Variants in CLASP1 observed in about 807,000 individuals in gnomAD.
CLASP1 encodes the protein cytoplasmic linker associated protein 1.
In CLASP1, 38 loss-of-function variants were observed where a neutral mutation model predicts 192.3. The observed-to-expected ratio is 0.20, with a 90% CI of 0.15 to 0.26. The LOEUF (loss-of-function observed/expected upper bound fraction) is 0.26. CLASP1 is among the 10% of genes least tolerant of loss of function. The probability of loss-of-function intolerance (pLI) is 1.00; values close to 1 mark genes in which losing one functional copy is unlikely to be tolerated. For synonymous variants in CLASP1, 691 were observed against 712.8 expected, an observed-to-expected ratio of 0.97 and a Z score of 0.49; for missense variants, 1,433 against 1,932.5, an observed-to-expected ratio of 0.74 and a Z score of 4.85.
intron 2 of CLASP1, among the ~76,000 whole-genome samples, chr2:121,565,384 C>T (rs1245278304): frequency 1.3e-5 from 2 of 152,218 alleles, no homozygotes; most frequent in Non-Finnish European, 2.9e-5. Context: ...TATAGTATTT[C>T]TACCAGGGCT....
chr2:121,542,988 G>A (rs575313446), intron 2 of CLASP1, among the ~76,000 whole-genome samples: 13 of 152,322 alleles, frequency 8.5e-5, no homozygotes, highest in Middle Eastern at 3.4e-3. Context: ...GTTCTACAAC[G>A]GTGATGTCCA....
At chr2:121,345,786 C>T (rs1467343275) in intron 39 of CLASP1, among the ~76,000 whole-genome samples, 1 of 152,190 alleles carries the variant, frequency 6.6e-6, no homozygotes, top group African/African-American at 2.4e-5. Context: ...TCTGGACCAC[C>T]GGTTCTCAAC....
intron 6 of CLASP1, among the ~76,000 whole-genome samples, chr2:121,518,335 G>A (rs1427664879): frequency 1.3e-5 from 2 of 151,122 alleles, no homozygotes; most frequent in African/African-American, 4.9e-5. Context: ...AGAGAAGCCA[G>A]AGAGCTGGGT....
At chr2:121,498,249 G>A (rs936961884) in intron 8 of CLASP1, among the ~76,000 whole-genome samples, 1 of 140,114 alleles carries the variant, frequency 7.1e-6, no homozygotes, top group Admixed American at 7.4e-5. Flanking sequence ...CCAGGCTGGA[G>A]CGCAGTGGTA....
At chr2:121,407,491 C>T (rs1574434999) in exon 25 of CLASP1, 2 of 1,613,954 alleles carry the variant, frequency 1.2e-6, no homozygotes, top group East Asian at 4.5e-5. Flanking sequence ...TTTGGCTCTT[C>T]AGTAAGTTCT....
At chr2:121,561,990 G>A (rs1388052997) in intron 2 of CLASP1, among the ~76,000 whole-genome samples, 1 of 152,216 alleles carries the variant, frequency 6.6e-6, no homozygotes, top group East Asian at 1.9e-4. Context: ...ACTACATTAT[G>A]TTAGGGCTTA....
intron 8 of CLASP1, chr2:121,490,431 A>G (rs768757395): frequency 2.2e-5 from 6 of 268,076 alleles, no homozygotes; most frequent in Non-Finnish European, 4.5e-5. Flanking sequence ...ACCCTATTCC[A>G]AAATAAAAGC....
intron 18 of CLASP1, 91 bp downstream of exon 18, chr2:121,448,185 G>A (rs948402047): frequency 2.5e-5 from 27 of 1,084,742 alleles, no homozygotes; most frequent in African/African-American, 9.3e-5. Flanking sequence ...AGGGCAGGCC[G>A]TTGGCCTCCT....
At chr2:121,452,565 C>T (rs1048432941) in intron 14 of CLASP1, among the ~76,000 whole-genome samples, 5 of 151,894 alleles carry the variant, frequency 3.3e-5, no homozygotes, top group Non-Finnish European at 7.4e-5. Context: ...CCAAGGCGGG[C>T]GGATCACTTG....
At chr2:121,399,892 C>A (rs1167858213) in intron 28 of CLASP1, among the ~76,000 whole-genome samples, 3 of 152,202 alleles carry the variant, frequency 2.0e-5, no homozygotes, top group Non-Finnish European at 2.9e-5. Context: ...TTGGCCTTCA[C>A]AGTATCTTAA....
intron 17 of CLASP1, among the ~76,000 whole-genome samples, chr2:121,448,621 C>G (rs1398827706): frequency 6.6e-6 from 1 of 152,220 alleles, no homozygotes; most frequent in Non-Finnish European, 1.5e-5. Flanking sequence ...CATTTCCAAA[C>G]TTGTCTCCAG....
chr2:121,350,997 C>T (rs1488996946), intron 37 of CLASP1, among the ~76,000 whole-genome samples: 1 of 152,194 alleles, frequency 6.6e-6, no homozygotes, highest in Non-Finnish European at 1.5e-5. Context: ...TCTACTTGAA[C>T]TGTCTGAGGC....
chr2:121,518,425 C>A (rs1009308573), intron 6 of CLASP1, among the ~76,000 whole-genome samples: 1 of 151,934 alleles, frequency 6.6e-6, no homozygotes, highest in African/African-American at 2.4e-5. Flanking sequence ...CAACCAGAAC[C>A]CGGCCTCTAA....
chr2:121,571,869 T>C (rs2060006710), intron 2 of CLASP1, among the ~76,000 whole-genome samples: 1 of 152,098 alleles, frequency 6.6e-6, no homozygotes, highest in Admixed American at 6.5e-5. Context: ...GTGTTTGGGC[T>C]TTCTTGTTTA....
intron 7 of CLASP1, among the ~76,000 whole-genome samples, chr2:121,512,551 C>A (rs1416069161): frequency 6.6e-6 from 1 of 152,170 alleles, no homozygotes; most frequent in Non-Finnish European, 1.5e-5. Flanking sequence ...AGCAGGGAGA[C>A]CCTCTAACAT....
chr2:121,617,252 C>A (rs985309006), intron 1 of CLASP1, among the ~76,000 whole-genome samples: 5 of 152,184 alleles, frequency 3.3e-5, no homozygotes, highest in Non-Finnish European at 7.3e-5. Flanking sequence ...CAGATGACAA[C>A]AACTCCTCCT....
At chr2:121,402,813 T>C (rs1407139289) in intron 26 of CLASP1, 1 of 377,522 alleles carries the variant, frequency 2.6e-6, no homozygotes, top group Non-Finnish European at 5.2e-6. Context: ...AATTTTATCT[T>C]TGGATATCTA....
chr2:121,530,221 T>A, intron 3 of CLASP1, 26 bp downstream of exon 3: 1 of 1,540,456 alleles, frequency 6.5e-7, no homozygotes, highest in Non-Finnish European at 8.8e-7. Context: ...AGGGGCCGGG[T>A]CCGCTCCACA....
intron 9 of CLASP1, among the ~76,000 whole-genome samples, chr2:121,466,660 G>A (rs2089649526): frequency 6.6e-6 from 1 of 152,182 alleles, no homozygotes; most frequent in Non-Finnish European, 1.5e-5. Flanking sequence ...GAGAAAATAA[G>A]AGTTGTATAT....
Sources: gnomAD v4.1 joint callset for allele counts (sites outside exome capture counted in the v4.1 genomes callset) on GRCh38, gnomAD v4.1.1 for gene constraint, MANE v1.5 for transcripts, NCBI Gene and HGNC (gene_info 2026-07-23, HGNC 2026-07-21) for gene names.